CCSER2: variants seen among roughly 807,000 people sequenced by gnomAD.
CCSER2 encodes coiled-coil serine rich protein 2, also known as serine-rich coiled-coil domain-containing protein 2.
Under a neutral mutation model 92.3 loss-of-function variants are expected in CCSER2, and 46 were observed. The ratio of observed to expected loss-of-function variants is 0.50; its 90% confidence interval spans 0.39 to 0.64. The LOEUF (loss-of-function observed/expected upper bound fraction) is 0.64, where lower values mean the gene tolerates loss of function less well. Among genes scored for constraint, CCSER2 ranks in the 30% least tolerant of loss-of-function variants. The probability of loss-of-function intolerance (pLI) is 0.00; values close to 1 mark genes in which losing one functional copy is unlikely to be tolerated. For missense variants in CCSER2, 1,244 were observed against 1,238.9 expected (o/e 1.00, Z -0.06); for synonymous variants, 433 against 431.4 (o/e 1.00, Z -0.04).
chr10:84,351,962 G>A (rs1377594736), intron 1 of CCSER2, among the ~76,000 whole-genome samples: 4 of 152,136 alleles, frequency 2.6e-5, no homozygotes, highest in Admixed American at 6.5e-5. Flanking sequence ...GCCAGAATAA[G>A]AGATTGTGTG....
intron 1 of CCSER2, among the ~76,000 whole-genome samples, chr10:84,360,746 C>T (rs1051969006): frequency 2.0e-5 from 3 of 152,158 alleles, no homozygotes; most frequent in African/African-American, 4.8e-5. Context: ...TTCCTAAGGC[C>T]TTACCTTTGA....
rs150557846 is a variant in CCSER2, at chr10:84,353,968, C to T, written c.-39-17046C>T. On this transcript the variant is annotated intron_variant, in intron 1 of 9. Coordinates refer to ENST00000372088, the MANE Select transcript of CCSER2 (RefSeq NM_001284240.2). ...ATCCCAGCATTTTGGGAGGCTGAGG[C>T]GGGTGGATTACTTGAGCTCTGGAGT... Among the ~76,000 whole-genome samples, 484 of 152,178 alleles carry T rather than the reference C, an allele frequency of 3.2e-3. 10 individuals carry two copies. Among genetic ancestry groups the T allele is most frequent in the Admixed American group, 0.024 (364 of 15,284 alleles).
intron 9 of CCSER2, among the ~76,000 whole-genome samples, chr10:84,481,283 C>G (rs1269946563): frequency 1.3e-5 from 2 of 152,132 alleles, no homozygotes; most frequent in Non-Finnish European, 2.9e-5. Context: ...TCTTACCTTA[C>G]AAATTCTTTC....
At chr10:84,457,251 TTATATAA>T (rs1564684213) in intron 6 of CCSER2, among the ~76,000 whole-genome samples, 2 of 68,644 alleles carry the variant, frequency 2.9e-5, no homozygotes, top group Admixed American at 2.8e-4. Flanking sequence ...ATATTATATA[TTATATAA>T]AATATATTAT....
At chr10:84,369,514 T>G (rs1564604619) in intron 1 of CCSER2, among the ~76,000 whole-genome samples, 2 of 152,090 alleles carry the variant, frequency 1.3e-5, no homozygotes, top group African/African-American at 4.8e-5. Context: ...GATGGGATTA[T>G]TTTTTTCCTT....
chr10:84,486,355 C>A (rs1488782131), intron 9 of CCSER2, among the ~76,000 whole-genome samples: 17 of 152,216 alleles, frequency 1.1e-4, no homozygotes. Context: ...TTTACACTCC[C>A]ACCAACAGTG....
chr10:84,371,530 A>G lies in CCSER2; in HGVS notation c.478A>G (p.Arg160Gly), dbSNP rs1365363966. 6.2e-7 allele frequency: 1 copy of G among 1,613,790 alleles called. No homozygotes were observed. Among genetic ancestry groups the G allele is most frequent in the East Asian group, 2.2e-5 (1 of 44,868 alleles). ...ATTCACCAAAGGCACATTATTAGGA[A>G]GGACTTCATATTCTTCGATCAATAC... The part of the protein sequence containing the change: ...GKFTKGTLLG[R>G]TSYSSINTPK... Residue 160 changes from arginine (R) to glycine (G), a missense_variant, in exon 2 of 10, where the codon AGG becomes GGG. By Grantham distance (125) the Arg-to-Gly change is moderately radical (BLOSUM62 -2). Coordinates refer to ENST00000372088, the MANE Select transcript of CCSER2 (RefSeq NM_001284240.2).
intron 9 of CCSER2, among the ~76,000 whole-genome samples, chr10:84,481,685 T>G (rs1326958197): frequency 6.6e-6 from 1 of 152,088 alleles, no homozygotes; most frequent in Non-Finnish European, 1.5e-5. Flanking sequence ...TAAGTATAAG[T>G]TTTTAAGAAC....
rs1167460274 is a variant in CCSER2, at chr10:84,501,834, A to AAAAAATATAT, written c.2326-11614_2326-11613insAAAATATATA. 6.7e-4 allele frequency among the ~76,000 whole-genome samples: 27 copies of AAAAAATATAT among 40,068 alleles called. 1 individual carries two copies. Among genetic ancestry groups the AAAAAATATAT allele is most frequent in the South Asian group, 2.0e-3 (2 of 1,024 alleles). The allele number at this position is 40,068 out of a possible 152,430, so 26.3% of individuals were successfully genotyped here. ...TTAGTCATCTAGGGAAAAAAAAAAA[A>AAAAAATATAT]ATATATATATATATATATATATATA... On this transcript the variant is annotated intron_variant, in intron 9 of 9. Coordinates refer to ENST00000372088, the MANE Select transcript of CCSER2 (RefSeq NM_001284240.2).
chr10:84,384,015 CTA>C (rs1183903307), intron 3 of CCSER2, among the ~76,000 whole-genome samples: 2 of 152,164 alleles, frequency 1.3e-5, no homozygotes, highest in African/African-American at 2.4e-5. Flanking sequence ...ATGAACATCT[CTA>C]TGTGCACAAA....
At chr10:84,344,167 G>A (rs1319143118) in intron 1 of CCSER2, among the ~76,000 whole-genome samples, 3 of 152,106 alleles carry the variant, frequency 2.0e-5, no homozygotes, top group Non-Finnish European at 4.4e-5. Context: ...TTAGTCTCTT[G>A]AAATTTTTTT....
chr10:84,397,810 A>G (rs531395517), intron 3 of CCSER2, among the ~76,000 whole-genome samples: 120 of 152,342 alleles, frequency 7.9e-4, no homozygotes, highest in Admixed American at 5.3e-3. Flanking sequence ...TTCAGGTGCT[A>G]ATGTGCTTCT....
In CCSER2 at chr10:84,512,473, C is replaced by T. The variant is rs1241756715; in HGVS notation, c.2326-976C>T. On this transcript the variant is annotated intron_variant, in intron 9 of 9. Coordinates refer to ENST00000372088, the MANE Select transcript of CCSER2 (RefSeq NM_001284240.2). ...CTGTATCAGGACAGGCCCAGTTGGC[C>T]CTGCCCATATATTTTAACTATTTGG... Among the ~76,000 whole-genome samples the T allele has an allele frequency of 2.0e-5, 3 of 146,876 alleles. No homozygotes were observed. In the East Asian group the frequency reaches 6.1e-4, roughly 30 times the overall value.
intron 9 of CCSER2, among the ~76,000 whole-genome samples, chr10:84,495,703 CTT>C (rs1179532535): frequency 4.0e-5 from 6 of 148,762 alleles, no homozygotes; most frequent in Non-Finnish European, 7.4e-5. Flanking sequence ...TGTGAGGTCT[CTT>C]TCTATATGTG....
Position 84,463,930 on chromosome 10 carries a change from C to G in CCSER2, c.2065-3C>G. On this transcript the variant is annotated splice_region_variant and splice_polypyrimidine_tract_variant and intron_variant, in intron 6 of 9. Transcript: ENST00000372088. Reference sequence around the variant, plus strand: ...AGTGTTTTTCTTCCCTTCTTTCTGACAGCATGATGGAAGTGGTTCATTGCA... The same window carrying G: ...AGTGTTTTTCTTCCCTTCTTTCTGAGAGCATGATGGAAGTGGTTCATTGCA... The G allele has an allele frequency of 6.3e-7, 1 of 1,595,826 alleles. No individual in the cohort carries two copies.
At chr10:84,400,176 G>A (rs1286456640) in intron 3 of CCSER2, among the ~76,000 whole-genome samples, 1 of 152,010 alleles carries the variant, frequency 6.6e-6, no homozygotes, top group Non-Finnish European at 1.5e-5. Flanking sequence ...CTCCCATTCT[G>A]TAGGCTTCTT....
At chr10:84,369,977 G>C (rs182979217) in intron 1 of CCSER2, among the ~76,000 whole-genome samples, 26 of 152,022 alleles carry the variant, frequency 1.7e-4, no homozygotes, top group African/African-American at 6.3e-4. Context: ...TTTATTTCTG[G>C]GTTCTCTACT....
At chr10:84,358,321 G>T (rs895876102) in intron 1 of CCSER2, among the ~76,000 whole-genome samples, 1 of 151,968 alleles carries the variant, frequency 6.6e-6, no homozygotes, top group Non-Finnish European at 1.5e-5. Context: ...TATCACTGTT[G>T]GTAATTTGTT....
rs1475349276 is a variant in CCSER2 at position 84,383,880 on chromosome 10, T to C, written c.1614+10065T>C. Among the ~76,000 whole-genome samples the C allele has an allele frequency of 7.2e-5, 11 of 152,214 alleles. No individual in the cohort carries two copies. The East Asian group carries it at 1.9e-3, about 27-fold the overall frequency. On this transcript the variant is annotated intron_variant, in intron 3 of 9. Coordinates refer to ENST00000372088, the MANE Select transcript of CCSER2 (RefSeq NM_001284240.2). ...GGTTCTTTGTAAGGATAAACAAAAT[T>C]GACAGGCTGCCAGCTAGATTAGCCA... is the stretch of plus-strand genomic sequence containing the variant.
Sources: gnomAD v4.1 joint callset for allele counts (sites outside exome capture counted in the v4.1 genomes callset) on GRCh38, gnomAD v4.1.1 for gene constraint, MANE v1.5 for transcripts, NCBI Gene and HGNC (gene_info 2026-07-23, HGNC 2026-07-21) for gene names.